Variants in SYT17 observed in about 807,000 individuals in gnomAD.
SYT17 encodes the protein synaptotagmin 17, also known as synaptotagmin-17.
Under a neutral mutation model 46.7 loss-of-function variants are expected in SYT17, and 22 were observed. The ratio of observed to expected loss-of-function variants is 0.47; its 90% CI spans 0.34 to 0.67. The LOEUF is 0.67. Among genes scored for constraint, SYT17 ranks in the 30% least tolerant of loss-of-function variants. The pLI is 0.01. For synonymous variants in SYT17, 251 were observed against 248.4 expected, an observed-to-expected ratio of 1.01 and a Z score of -0.10; for missense variants, 519 against 612.8, an observed-to-expected ratio of 0.85 and a Z score of 1.62.
At chr16:19,249,855 G>A (rs1007062747) in intron 7 of SYT17, 23 of 1,386,932 alleles carry the variant, frequency 1.7e-5, no homozygotes, top group Non-Finnish European at 2.2e-5. Flanking sequence ...TGGAGTCACT[G>A]GGGGCTCCAT....
At chr16:19,261,445 C>G (rs1968971002) in intron 7 of SYT17, among the ~76,000 whole-genome samples, 1 of 152,208 alleles carries the variant, frequency 6.6e-6, no homozygotes, top group Non-Finnish European at 1.5e-5. Context: ...GATTCACCAG[C>G]CAAGTTACTT....
Position 19,183,593 on chromosome 16 carries a change from A to C in SYT17, c.397A>C (p.Ser133Arg). Residue 133 changes from serine to arginine, a missense_variant, in exon 5 of 8, where the codon AGC becomes CGC. Transcript: ENST00000355377. This position sits in a 1 kb window ranked among gnomAD's most constrained non-coding sequence, Gnocchi z 5.6. ...TAAACCCATCGAGTTTGGCGTTCTC[A>C]GCGCCAAGAAGGAGCCCATCCAACC... ...DIKPIEFGVLSAKKEPIQPSV... is the reference protein window; with the variant it reads ...DIKPIEFGVLRAKKEPIQPSV... The C allele has an allele frequency of 6.2e-7, 1 of 1,614,160 alleles. No individual in the cohort carries two copies. Among genetic ancestry groups the C allele is most frequent in the Non-Finnish European group, 8.5e-7 (1 of 1,180,024 alleles).
intron 7 of SYT17, among the ~76,000 whole-genome samples, chr16:19,262,642 T>C (rs898506103): frequency 2.0e-5 from 3 of 152,010 alleles, no homozygotes; most frequent in Non-Finnish European, 4.4e-5. Flanking sequence ...ACTTAGGGTA[T>C]TGCCACCCAA....
At chr16:19,189,391 A>G (rs1964924048) in intron 5 of SYT17, among the ~76,000 whole-genome samples, 1 of 135,078 alleles carries the variant, frequency 7.4e-6, no homozygotes. Flanking sequence ...CCCAGGCTGG[A>G]TTGCAGTCGT....
chr16:19,230,730 G>C (rs1236337862), intron 7 of SYT17, among the ~76,000 whole-genome samples: 1 of 152,122 alleles, frequency 6.6e-6, no homozygotes, highest in African/African-American at 2.4e-5. Context: ...TCATATTTGT[G>C]ACTTACTTGC....
Position 19,267,297 on chromosome 16 carries a change from C to G in SYT17, c.*221C>G. 1 of 458,052 alleles carries G rather than the reference C, an allele frequency of 2.2e-6. No homozygotes were observed. Among genetic ancestry groups the G allele is most frequent in the Non-Finnish European group, 3.9e-6 (1 of 258,898 alleles). 28.4% of individuals were successfully genotyped at this position (458,052 alleles called of 1,614,324 possible). On this transcript the variant is annotated 3_prime_UTR_variant, in exon 8 of 8. Coordinates refer to ENST00000355377, the MANE Select transcript of SYT17 (RefSeq NM_016524.4). ...CCCTCAGTTGAGTGAGGCCTAGGAA[C>G]TTTCCGGAAGCCCCATCCATAGATC... is the stretch of plus-strand genomic sequence containing the variant.
At chr16:19,249,838 G>T (rs3785353) in intron 7 of SYT17, 54,392 of 1,233,276 alleles carry the variant, frequency 0.044, 6,278 homozygotes, top group East Asian at 0.36. Context: ...GAGTCATTGG[G>T]ATAACCTGGA....
chr16:19,195,656 G>T (rs1167407675), intron 5 of SYT17, among the ~76,000 whole-genome samples: 1 of 152,118 alleles, frequency 6.6e-6, no homozygotes, highest in Non-Finnish European at 1.5e-5. Flanking sequence ...AGAAGTGGAG[G>T]TTACAGTGAG....
At position 19,243,473 on chromosome 16, in the gene SYT17, T is replaced by A. The variant is rs148466682; in HGVS notation, c.1228+18635T>A. Among the ~76,000 whole-genome samples the A allele has an allele frequency of 1.6e-3, 249 of 152,266 alleles. 6 individuals carry two copies. The East Asian group carries it at 0.045, about 27-fold the overall frequency. ...TCCTTGTGCAAGGTCACCCTTGCCT[T>A]CTTGGTGACCTCTCTGCTAAGGAGA... On this transcript the variant is annotated intron_variant, in intron 7 of 7. Transcript: ENST00000355377.
chr16:19,256,556 CTATTATTATTATTATTAT>C (rs66644033), intron 7 of SYT17, among the ~76,000 whole-genome samples: 6 of 144,838 alleles, frequency 4.1e-5, no homozygotes, highest in African/African-American at 5.2e-5. Context: ...ATGGGTGAGT[CTATTATTATTATTATTAT>C]TATTATTATT....
At chr16:19,198,768 G>A (rs1039110708) in intron 5 of SYT17, among the ~76,000 whole-genome samples, 11 of 152,218 alleles carry the variant, frequency 7.2e-5, no homozygotes, top group Admixed American at 4.6e-4. Flanking sequence ...AATGCCTGTG[G>A]CATGAGGCAA....
chr16:19,248,567 T>A (rs1299630447), intron 7 of SYT17, among the ~76,000 whole-genome samples: 1 of 152,232 alleles, frequency 6.6e-6, no homozygotes, highest in African/African-American at 2.4e-5. Context: ...ACGCTTGTAA[T>A]CTCCACACTT....
At chr16:19,225,637 G>C (rs940537766) in intron 7 of SYT17, among the ~76,000 whole-genome samples, 3 of 152,120 alleles carry the variant, frequency 2.0e-5, no homozygotes, top group East Asian at 1.9e-4. Context: ...AGGCTCAACT[G>C]GGGGAGGATC....
intron 6 of SYT17, among the ~76,000 whole-genome samples, chr16:19,223,916 G>T (rs544862121): frequency 6.6e-6 from 1 of 152,034 alleles, no homozygotes; most frequent in Non-Finnish European, 1.5e-5. Flanking sequence ...AATCATTAAG[G>T]GTTTAGGAGT....
Position 19,260,503 on chromosome 16 carries a change from C to CA in SYT17, c.1229-6352dup, listed in dbSNP as rs58392770. On this transcript the variant is annotated intron_variant, in intron 7 of 7. Transcript: ENST00000355377. ...TGGGTAACAGAGAGAGACCTTGTCTCAAAAAAAAAAAAAAAAAAAAAAAAA... is the reference window on the plus strand; with the variant it reads ...TGGGTAACAGAGAGAGACCTTGTCTCAAAAAAAAAAAAAAAAAAAAAAAAAA... Among the ~76,000 whole-genome samples, 728 of 75,752 alleles carry CA rather than the reference C, an allele frequency of 9.6e-3. 12 individuals carry two copies. Among genetic ancestry groups the CA allele is most frequent in the Non-Finnish European group, 0.014 (506 of 37,148 alleles). The allele number at this position is 75,752 out of a possible 152,430, so 49.7% of individuals were successfully genotyped here.
At chr16:19,234,433 T>C (rs1966813538) in intron 7 of SYT17, among the ~76,000 whole-genome samples, 1 of 152,216 alleles carries the variant, frequency 6.6e-6, no homozygotes, top group South Asian at 2.1e-4. Context: ...TGTTATGAGC[T>C]TCCAATCTCA....
intron 5 of SYT17, among the ~76,000 whole-genome samples, chr16:19,207,369 C>A (rs1214965902): frequency 6.6e-6 from 1 of 152,140 alleles, no homozygotes; most frequent in Non-Finnish European, 1.5e-5. Flanking sequence ...ATAAGAAATA[C>A]CTGAGACTGG....
chr16:19,177,791 G>A (rs1964372597), intron 3 of SYT17, among the ~76,000 whole-genome samples: 1 of 152,188 alleles, frequency 6.6e-6, no homozygotes, highest in South Asian at 2.1e-4. Context: ...GCTTTTTGAA[G>A]CAATGCCAGA....
At chr16:19,246,960 G>C (rs763220860) in intron 7 of SYT17, among the ~76,000 whole-genome samples, 1 of 152,192 alleles carries the variant, frequency 6.6e-6, no homozygotes, top group Non-Finnish European at 1.5e-5. Flanking sequence ...TGAGAAAACG[G>C]AAGCAGAGAA....
Sources: allele counts gnomAD v4.1 joint callset (sites outside exome capture counted in the v4.1 genomes callset), GRCh38; gene constraint gnomAD v4.1.1; non-coding constraint Gnocchi (gnomAD v3.1); transcripts MANE v1.5; gene names NCBI Gene and HGNC (gene_info 2026-07-23, HGNC 2026-07-21).